The following FAM185A variants were observed in gnomAD, a reference collection of about 807,000 sequenced individuals.
FAM185A encodes protein FAM185A.
FAM185A carries 21 observed loss-of-function variants against 45.7 expected under a neutral mutation model. The ratio of observed to expected loss-of-function variants is 0.46; its 90% CI spans 0.33 to 0.66. The LOEUF (loss-of-function observed/expected upper bound fraction) is 0.66. Ranked by LOEUF, FAM185A falls within the 30% of genes least tolerant of loss-of-function variation. The pLI is 0.03. For missense variants in FAM185A, 305 were observed against 485.4 expected (o/e 0.63, Z 3.49); for synonymous variants, 117 against 194.0 (o/e 0.60, Z 3.30).
chr7:102,830,404 G>T, the FAM185A span, among the ~76,000 whole-genome samples: 1 of 152,076 alleles, frequency 6.6e-6, no homozygotes, highest in Admixed American at 6.5e-5. Context: ...TGCTATGAAC[G>T]CAAGAATCTC....
intron 7 of FAM185A, among the ~76,000 whole-genome samples, chr7:102,799,327 T>C (rs562851301): frequency 1.4e-4 from 21 of 152,244 alleles, no homozygotes; most frequent in African/African-American, 4.8e-4. Context: ...CGGGAGGTCC[T>C]TGAATACTCA....
the FAM185A span, among the ~76,000 whole-genome samples, chr7:102,815,170 A>G: frequency 1.3e-5 from 2 of 152,170 alleles, no homozygotes; most frequent in South Asian, 4.2e-4. Context: ...AAAACTCCAA[A>G]CCAATCCAGC....
At chr7:102,758,426 GCTTTTTTTTTTTTT>G (rs1390627104) in intron 3 of FAM185A, among the ~76,000 whole-genome samples, 7 of 95,864 alleles carry the variant, frequency 7.3e-5, no homozygotes, top group Admixed American at 2.5e-4. Context: ...TGCTCTCACA[GCTTTTTTTTTTTTT>G]TTTTTTTTTT....
At chr7:102,775,078 A>T (rs1464636269) in intron 5 of FAM185A, among the ~76,000 whole-genome samples, 1 of 152,004 alleles carries the variant, frequency 6.6e-6, no homozygotes, top group African/African-American at 2.4e-5. Context: ...TTTAAGGTAT[A>T]CATGCAATAT....
At chr7:102,773,818 A>G (rs962146847) in intron 5 of FAM185A, among the ~76,000 whole-genome samples, 2 of 152,110 alleles carry the variant, frequency 1.3e-5, no homozygotes, top group African/African-American at 4.8e-5. Flanking sequence ...AAATCACTAT[A>G]TAAGTGTGGC....
chr7:102,776,916 A>T (rs1270415335), intron 5 of FAM185A, among the ~76,000 whole-genome samples: 1 of 152,018 alleles, frequency 6.6e-6, no homozygotes, highest in Non-Finnish European at 1.5e-5. Context: ...TATCAACATG[A>T]TAAAAAACTA....
chr7:102,806,151 G>GTTT (rs1797099152), intron 7 of FAM185A, among the ~76,000 whole-genome samples: 1 of 151,928 alleles, frequency 6.6e-6, no homozygotes, highest in African/African-American at 2.4e-5. Context: ...TTTTGTTGTT[G>GTTT]TTGTTGTTGT....
chr7:102,754,224 G>A (rs12113669), intron 2 of FAM185A, among the ~76,000 whole-genome samples: 1,663 of 151,174 alleles, frequency 0.011, 19 homozygotes, highest in African/African-American at 0.038. Flanking sequence ...TTTTTGAGGC[G>A]GAGTCTCACT....
intron 7 of FAM185A, among the ~76,000 whole-genome samples, chr7:102,794,632 C>A (rs1327516367): frequency 4.6e-5 from 7 of 152,062 alleles, no homozygotes; most frequent in Non-Finnish European, 1.0e-4. Context: ...AAGAAACTAC[C>A]ATTAATCACC....
chr7:102,785,102 C>T (rs1795694237), intron 6 of FAM185A, among the ~76,000 whole-genome samples: 1 of 152,154 alleles, frequency 6.6e-6, no homozygotes, highest in Non-Finnish European at 1.5e-5. Context: ...GAATAAAATA[C>T]CTAGGAATTC....
chr7:102,836,463 C>T, the FAM185A span, among the ~76,000 whole-genome samples: 5 of 152,202 alleles, frequency 3.3e-5, no homozygotes, highest in Non-Finnish European at 7.3e-5. Flanking sequence ...TTACAATATA[C>T]ACTTCTGGCT....
the FAM185A span, among the ~76,000 whole-genome samples, chr7:102,850,699 T>G: frequency 1.3e-5 from 2 of 152,206 alleles, no homozygotes; most frequent in Non-Finnish European, 2.9e-5. Context: ...CCCTTTTTGT[T>G]ATTAAAGAGT....
chr7:102,793,859 C>A (rs1197867979), intron 7 of FAM185A, among the ~76,000 whole-genome samples: 1 of 151,522 alleles, frequency 6.6e-6, no homozygotes, highest in Non-Finnish European at 1.5e-5. Flanking sequence ...GCCAACATGG[C>A]GAAACCCTGT....
At chr7:102,785,277 G>A (rs1208943060) in intron 6 of FAM185A, among the ~76,000 whole-genome samples, 20 of 151,336 alleles carry the variant, frequency 1.3e-4, no homozygotes, top group Admixed American at 1.3e-3. Flanking sequence ...TAGATTCAAT[G>A]CCATCCCCAT....
chr7:102,847,738 A>G, the FAM185A span, among the ~76,000 whole-genome samples: 1 of 152,112 alleles, frequency 6.6e-6, no homozygotes, highest in East Asian at 1.9e-4. Context: ...CATGTTGGGC[A>G]GGCTGGTCTC....
intron 4 of FAM185A, among the ~76,000 whole-genome samples, chr7:102,771,281 C>T (rs983890355): frequency 4.6e-5 from 7 of 151,938 alleles, no homozygotes; most frequent in African/African-American, 1.7e-4. Flanking sequence ...GTGATGGGAT[C>T]ATTTGTACCC....
At chr7:102,759,281 T>C (rs1793967678) in intron 3 of FAM185A, among the ~76,000 whole-genome samples, 1 of 152,140 alleles carries the variant, frequency 6.6e-6, no homozygotes, top group Non-Finnish European at 1.5e-5. Flanking sequence ...AATCATTTGC[T>C]ACCTTGAATA....
the FAM185A span, among the ~76,000 whole-genome samples, chr7:102,849,113 T>C: frequency 1.3e-5 from 2 of 152,206 alleles, no homozygotes; most frequent in African/African-American, 4.8e-5. Flanking sequence ...TTTAAGCCCA[T>C]TTCTTTGCCA....
chr7:102,796,787 A>G (rs1396077635), intron 7 of FAM185A, among the ~76,000 whole-genome samples: 1 of 152,190 alleles, frequency 6.6e-6, no homozygotes, highest in Admixed American at 6.5e-5. Context: ...GAAGGAAAAT[A>G]AAAGTTATTA....
Sources: allele counts gnomAD v4.1 joint callset (sites outside exome capture counted in the v4.1 genomes callset), GRCh38; gene constraint gnomAD v4.1.1; transcripts MANE v1.5; gene names NCBI Gene and HGNC (gene_info 2026-07-23, HGNC 2026-07-21).